TRERF1: variants seen among roughly 807,000 people sequenced by gnomAD.
The protein encoded by TRERF1 is transcriptional regulating factor 1, also known as transcriptional-regulating factor 1.
A neutral mutation model predicts 122.9 loss-of-function variants in TRERF1; 27 were observed. The ratio of observed to expected loss-of-function variants is 0.22; its 90% CI spans 0.16 to 0.30. The LOEUF is 0.30. Among genes scored for constraint, TRERF1 ranks in the 10% least tolerant of loss-of-function variants. The pLI is 1.00. For synonymous variants in TRERF1, 636 were observed against 641.7 expected (o/e 0.99, Z 0.13); for missense variants, 1,248 against 1,560.3 (o/e 0.80, Z 3.37).
chr6:42,282,596 AG>A (rs2150057370), intron 4 of TRERF1, among the ~76,000 whole-genome samples: 1 of 152,340 alleles, frequency 6.6e-6, no homozygotes, highest in South Asian at 2.1e-4. Flanking sequence ...AAAATCCAAA[AG>A]AACAACAATG....
At chr6:42,399,487 G>T (rs1358533222) in intron 2 of TRERF1, among the ~76,000 whole-genome samples, 6 of 152,134 alleles carry the variant, frequency 3.9e-5, no homozygotes, top group African/African-American at 1.4e-4. Flanking sequence ...CTCCTGAATG[G>T]AAGCCAACAC....
chr6:42,298,555 A>T (rs1190558961), intron 4 of TRERF1, among the ~76,000 whole-genome samples: 1 of 149,386 alleles, frequency 6.7e-6, no homozygotes, highest in East Asian at 2.0e-4. Context: ...CTGTAATGCC[A>T]GCACTTTGGG....
At chr6:42,299,717 G>GAA (rs1785803759) in intron 4 of TRERF1, among the ~76,000 whole-genome samples, 1 of 152,198 alleles carries the variant, frequency 6.6e-6, no homozygotes, top group African/African-American at 2.4e-5. Context: ...AGATAAAAAT[G>GAA]TAAAAAAGGA....
At chr6:42,303,904 TAAAAAAAA>T (rs60880174) in intron 3 of TRERF1, among the ~76,000 whole-genome samples, 5 of 69,258 alleles carry the variant, frequency 7.2e-5, no homozygotes, top group African/African-American at 2.4e-4. Context: ...CACTGTCTCA[TAAAAAAAA>T]AAAAAAAAAA....
intron 5 of TRERF1, 87 bp from the exon 6 acceptor site, chr6:42,265,884 A>C: frequency 1.4e-6 from 2 of 1,385,668 alleles, no homozygotes; most frequent in Non-Finnish European, 2.0e-6. Context: ...TGGGAACACC[A>C]GGTACTCTTC....
At chr6:42,427,133 C>T (rs960734845) in intron 2 of TRERF1, among the ~76,000 whole-genome samples, 2 of 151,676 alleles carry the variant, frequency 1.3e-5, no homozygotes, top group African/African-American at 4.8e-5. Context: ...CCAGCCTGGT[C>T]CATGTAGCAA....
At chr6:42,354,376 T>C (rs1302635587) in intron 3 of TRERF1, among the ~76,000 whole-genome samples, 2 of 137,198 alleles carry the variant, frequency 1.5e-5, no homozygotes, top group Non-Finnish European at 2.9e-5. Flanking sequence ...TTCCCCAGTC[T>C]GTTGTTTCCC....
At chr6:42,404,205 A>G (rs1389000261) in intron 2 of TRERF1, among the ~76,000 whole-genome samples, 1 of 152,178 alleles carries the variant, frequency 6.6e-6, no homozygotes, top group African/African-American at 2.4e-5. Flanking sequence ...CTCAAGCTCA[A>G]CATGTCAAAA....
chr6:42,280,588 G>A (rs565602563), intron 4 of TRERF1, among the ~76,000 whole-genome samples: 132 of 152,304 alleles, frequency 8.7e-4, no homozygotes, highest in African/African-American at 2.4e-3. Flanking sequence ...CCACTTGGCC[G>A]TGCCTGACGA....
intron 2 of TRERF1, among the ~76,000 whole-genome samples, chr6:42,377,163 G>T (rs1775041706): frequency 6.6e-6 from 1 of 152,186 alleles, no homozygotes; most frequent in African/African-American, 2.4e-5. Context: ...ACTGTGCCAG[G>T]CCTAAAAATA....
At chr6:42,404,322 C>T (rs1318770372) in intron 2 of TRERF1, among the ~76,000 whole-genome samples, 2 of 152,052 alleles carry the variant, frequency 1.3e-5, no homozygotes, top group Admixed American at 6.5e-5. Flanking sequence ...TGGGGGTCAC[C>T]GTAGACTCCC....
intron 2 of TRERF1, among the ~76,000 whole-genome samples, chr6:42,407,519 T>C (rs1015017916): frequency 3.9e-5 from 6 of 152,124 alleles, no homozygotes; most frequent in Admixed American, 3.9e-4. Flanking sequence ...AGTCAAGAAC[T>C]CCTGTGATCT....
chr6:42,252,125 A>G (rs1775941181), intron 13 of TRERF1, among the ~76,000 whole-genome samples: 1 of 152,216 alleles, frequency 6.6e-6, no homozygotes, highest in Non-Finnish European at 1.5e-5. Context: ...AAGCCACTGC[A>G]ACAGCACTTT....
exon 18 of TRERF1, chr6:42,226,505 G>A (rs981264174): frequency 1.3e-5 from 2 of 151,084 alleles, no homozygotes; most frequent in Non-Finnish European, 2.9e-5. Context: ...GATAAAACAG[G>A]ATAGCATAAC....
intron 2 of TRERF1, among the ~76,000 whole-genome samples, chr6:42,410,292 G>A (rs1780924176): frequency 6.6e-6 from 1 of 151,942 alleles, no homozygotes; most frequent in Non-Finnish European, 1.5e-5. Context: ...TCACAGGTAT[G>A]CACCACTGTG....
At chr6:42,309,502 G>A (rs970892083) in intron 3 of TRERF1, among the ~76,000 whole-genome samples, 4 of 152,172 alleles carry the variant, frequency 2.6e-5, no homozygotes, top group Admixed American at 6.5e-5. Flanking sequence ...TGTTATATGT[G>A]CAAAATGCTC....
intron 2 of TRERF1, among the ~76,000 whole-genome samples, chr6:42,421,086 C>T (rs1193061163): frequency 6.6e-6 from 1 of 152,198 alleles, no homozygotes; most frequent in Non-Finnish European, 1.5e-5. Context: ...CTGGGAAAGT[C>T]ATTCAGTCTC....
chr6:42,281,835 C>A (rs547961522), intron 4 of TRERF1, among the ~76,000 whole-genome samples: 1 of 152,334 alleles, frequency 6.6e-6, no homozygotes, highest in African/African-American at 2.4e-5. Context: ...TAACCCCAGG[C>A]TAGGCACAGT....
chr6:42,361,816 G>A (rs533945742), intron 3 of TRERF1, among the ~76,000 whole-genome samples: 15 of 152,284 alleles, frequency 9.9e-5, no homozygotes, highest in South Asian at 6.2e-4. Flanking sequence ...TCTGCCCTCC[G>A]TGGACAGCAT....
Sources: gnomAD v4.1 joint callset for allele counts (sites outside exome capture counted in the v4.1 genomes callset) on GRCh38, gnomAD v4.1.1 for gene constraint, MANE v1.5 for transcripts, NCBI Gene and HGNC (gene_info 2026-07-23, HGNC 2026-07-21) for gene names.